INPP4B: variants seen among roughly 807,000 people sequenced by gnomAD.
The protein encoded by INPP4B is inositol polyphosphate-4-phosphatase type II B.
A neutral mutation model predicts 122.5 loss-of-function variants in INPP4B; 55 were observed. The observed-to-expected ratio is 0.45, with a 90% CI of 0.36 to 0.56. The LOEUF is 0.56. INPP4B is among the 20% of genes least tolerant of loss of function. The pLI is 0.00. For synonymous variants in INPP4B, 403 were observed against 388.7 expected (o/e 1.04, Z -0.43); for missense variants, 1,000 against 1,097.7 (o/e 0.91, Z 1.26).
At chr4:142,373,435 T>C (rs1790653685) in intron 7 of INPP4B, among the ~76,000 whole-genome samples, 1 of 152,020 alleles carries the variant, frequency 6.6e-6, no homozygotes. Flanking sequence ...TAATATTTAC[T>C]ATGTCATTTC....
At chr4:142,342,612 T>C (rs900715403) in intron 7 of INPP4B, among the ~76,000 whole-genome samples, 1 of 152,160 alleles carries the variant, frequency 6.6e-6, no homozygotes, top group Admixed American at 6.6e-5. Flanking sequence ...TGTTCCAGAA[T>C]ACAAGAATTG....
intron 3 of INPP4B, among the ~76,000 whole-genome samples, chr4:142,459,289 G>GAAAA (rs201442354): frequency 1.0e-5 from 1 of 97,084 alleles, no homozygotes; most frequent in Non-Finnish European, 2.5e-5. Context: ...ACAAACAAAT[G>GAAAA]AAAAAAAAAA....
intron 2 of INPP4B, chr4:142,660,865 G>C (rs1344676191): frequency 6.6e-6 from 1 of 152,520 alleles, no homozygotes; most frequent in African/African-American, 2.4e-5. Context: ...AGCCTCTGAG[G>C]GAGTTCTGCC....
intron 1 of INPP4B, among the ~76,000 whole-genome samples, chr4:142,809,020 A>C (rs17016795): frequency 2.7e-3 from 413 of 152,232 alleles, no homozygotes; most frequent in African/African-American, 9.4e-3. Flanking sequence ...TTTGTATATA[A>C]GTCATTAAAA....
intron 1 of INPP4B, chr4:142,795,066 C>T (rs576605598): frequency 5.3e-5 from 8 of 151,906 alleles, no homozygotes; most frequent in African/African-American, 1.9e-4. Context: ...ATGGTATACT[C>T]ATTTTGGGGA....
At chr4:142,673,277 G>C (rs900826465) in intron 2 of INPP4B, among the ~76,000 whole-genome samples, 2 of 152,048 alleles carry the variant, frequency 1.3e-5, no homozygotes, top group Admixed American at 6.6e-5. Flanking sequence ...CTTTGATATT[G>C]ATTGAAATTG....
rs570636926 is a variant in INPP4B, at chr4:142,810,873, G to A, written c.-254+35336C>T. On this transcript the variant is annotated intron_variant, in intron 1 of 25. Transcript: ENST00000262992. The stretch of plus-strand genomic sequence containing the variant: ...CCTAATCCTCTTGTCTGAAAGAAAA[G>A]TGTCTTGCATACAAATTGTCATTCA... 3.3e-5 allele frequency among the ~76,000 whole-genome samples: 5 copies of A among 152,264 alleles called. 1 individual carries two copies. The highest frequency in any genetic ancestry group is 6.5e-5 in the Admixed American group (1 of 15,292).
intron 2 of INPP4B, among the ~76,000 whole-genome samples, chr4:142,718,948 T>A (rs1764155463): frequency 6.6e-6 from 1 of 152,168 alleles, no homozygotes; most frequent in Admixed American, 6.5e-5. Flanking sequence ...TAGCCCCACC[T>A]CACTATACCA....
At chr4:142,478,088 C>T (rs962319389) in intron 2 of INPP4B, among the ~76,000 whole-genome samples, 4 of 152,194 alleles carry the variant, frequency 2.6e-5, no homozygotes, top group Non-Finnish European at 5.9e-5. Flanking sequence ...TAGGCACCCA[C>T]TGCACCTGGC....
chr4:142,453,897 C>A (rs1004342616), intron 3 of INPP4B, among the ~76,000 whole-genome samples: 2 of 152,130 alleles, frequency 1.3e-5, no homozygotes, highest in South Asian at 2.1e-4. Flanking sequence ...GTTCCACCTG[C>A]AAATTCATTC....
chr4:142,365,765 T>C (rs1787207555), intron 7 of INPP4B, among the ~76,000 whole-genome samples: 1 of 124,844 alleles, frequency 8.0e-6, no homozygotes. Context: ...ATTAAATTTT[T>C]ACAATTTTTT....
chr4:142,161,223 T>C (rs1262246903), intron 16 of INPP4B, among the ~76,000 whole-genome samples: 2 of 151,982 alleles, frequency 1.3e-5, no homozygotes, highest in Non-Finnish European at 2.9e-5. Context: ...ACTTGGCATG[T>C]AGATTTTACA....
intron 3 of INPP4B, among the ~76,000 whole-genome samples, chr4:142,449,788 G>T (rs182296671): frequency 6.6e-6 from 1 of 151,998 alleles, no homozygotes. Flanking sequence ...ATAGAAGACC[G>T]CTTGGATTCT....
At chr4:142,714,483 TG>T (rs1195476303) in intron 2 of INPP4B, among the ~76,000 whole-genome samples, 1 of 152,198 alleles carries the variant, frequency 6.6e-6, no homozygotes, top group African/African-American at 2.4e-5. Flanking sequence ...TAATAAAAAC[TG>T]GGATTGCAGC....
At chr4:142,256,850 T>A (rs2150318845) in intron 11 of INPP4B, among the ~76,000 whole-genome samples, 1 of 152,290 alleles carries the variant, frequency 6.6e-6, no homozygotes, top group Admixed American at 6.5e-5. Context: ...CCCTAACTCA[T>A]TTTATGAGGC....
At chr4:142,711,197 C>T (rs752896362) in intron 2 of INPP4B, among the ~76,000 whole-genome samples, 28 of 152,224 alleles carry the variant, frequency 1.8e-4, no homozygotes, top group Non-Finnish European at 3.1e-4. Flanking sequence ...GGTCCTATGA[C>T]CTCCTTCCAG....
intron 16 of INPP4B, among the ~76,000 whole-genome samples, chr4:142,171,817 A>C (rs2152944144): frequency 6.6e-6 from 1 of 151,988 alleles, no homozygotes; most frequent in South Asian, 2.1e-4. Context: ...AAGGAGCAGA[A>C]AATGCCCATC....
chr4:142,160,888 AACATCT>A (rs1456912957), intron 16 of INPP4B, among the ~76,000 whole-genome samples: 1 of 151,994 alleles, frequency 6.6e-6, no homozygotes, highest in Non-Finnish European at 1.5e-5. Context: ...TCATTTGAAC[AACATCT>A]ACCTGCTGCA....
chr4:142,770,514 A>G (rs974766718), intron 1 of INPP4B, among the ~76,000 whole-genome samples: 15 of 152,054 alleles, frequency 9.9e-5, no homozygotes, highest in Non-Finnish European at 5.9e-5. Flanking sequence ...CATCTCCTCT[A>G]TTAAGTGAAA....
Sources: gnomAD v4.1 joint callset for allele counts (sites outside exome capture counted in the v4.1 genomes callset) on GRCh38, gnomAD v4.1.1 for gene constraint, MANE v1.5 for transcripts, NCBI Gene and HGNC (gene_info 2026-07-23, HGNC 2026-07-21) for gene names.